Variants in ZNF335 observed in about 807,000 individuals in gnomAD.
The protein encoded by ZNF335 is NRC-interacting factor 1.
Under a neutral mutation model 145.6 loss-of-function variants are expected in ZNF335, and 84 were observed. The observed-to-expected ratio is 0.58, with a 90% CI of 0.48 to 0.69. The LOEUF is 0.69. Ranked by LOEUF, ZNF335 falls within the 30% of genes least tolerant of loss-of-function variation. ZNF335 has a pLI of 0.00. For synonymous variants in ZNF335, 761 were observed against 717.0 expected (o/e 1.06, Z -0.98); for missense variants, 1,865 against 1,809.7 (o/e 1.03, Z -0.55).
chr20:45,971,848 CG>C (rs1953541791), intron 1 of ZNF335: 2 of 985,310 alleles, frequency 2.0e-6, no homozygotes, highest in Admixed American at 6.1e-5. Context: ...CGCTCCCCCC[CG>C]GTTCCCCTGC....
chr20:45,954,314 T>C (rs2083687696), intron 17 of ZNF335, among the ~76,000 whole-genome samples: 1 of 152,124 alleles, frequency 6.6e-6, no homozygotes, highest in African/African-American at 2.4e-5. Context: ...CACACAATAG[T>C]ATCTGCCTCA....
chr20:45,963,756 A>T lies in ZNF335; in HGVS notation c.1337T>A (p.Leu446Gln), dbSNP rs1285227587. Reference protein sequence around the residue: ...RRRGRPSRRFLGKKYRKYYYK... With the variant: ...RRRGRPSRRFQGKKYRKYYYK... The stretch of plus-strand genomic sequence containing the variant: ...CACATACTTGCGGTATTTCTTGCCT[A>T]GGAAGCGCCTGGAAGGTCGACCTCG... Residue 446 changes from leucine (L) to glutamine (Q), a missense_variant, in exon 8 of 28, where the codon CTA becomes CAA. Leu to Gln is a moderately radical substitution (Grantham distance 113, BLOSUM62 -2). Transcript: ENST00000322927. The T allele has an allele frequency of 6.2e-7, 1 of 1,614,034 alleles. No homozygotes were observed. Among genetic ancestry groups the T allele is most frequent in the African/African-American group, 1.3e-5 (1 of 74,946 alleles).
intron 7 of ZNF335, among the ~76,000 whole-genome samples, chr20:45,965,069 T>TAATAATAATAATACA (rs1203499217): frequency 3.4e-5 from 5 of 147,846 alleles, no homozygotes; most frequent in African/African-American, 1.2e-4. Flanking sequence ...ATAATAATAA[T>TAATAATAATAATACA]ACAACAACTC....
At position 45,948,847 on chromosome 20, in the gene ZNF335, A is replaced by C; in HGVS notation, c.*106T>G. ...CCCTGGGAATGAGAGGATGCTGGCTATCCAGTATCTGGAGATCCTAAATGA... is the reference window on the plus strand; with the variant it reads ...CCCTGGGAATGAGAGGATGCTGGCTCTCCAGTATCTGGAGATCCTAAATGA... On this transcript the variant is annotated 3_prime_UTR_variant, in exon 28 of 28. Coordinates refer to ENST00000322927, the MANE Select transcript of ZNF335 (RefSeq NM_022095.4). The C allele has an allele frequency of 1.9e-6, 3 of 1,552,044 alleles. No individual in the cohort carries two copies. In the Admixed American group the frequency reaches 5.1e-5, roughly 26 times the overall value.
chr20:45,949,390 C>T lies in ZNF335; in HGVS notation c.3762G>A (p.Glu1254=), dbSNP rs775095229. The change falls in exon 26 of 28, where the codon GAG becomes GAA. Residue 1254 remains glutamate, a synonymous_variant. Coordinates refer to ENST00000322927, the MANE Select transcript of ZNF335 (RefSeq NM_022095.4). The part of the protein sequence containing the change: ...VPEGHHIQVQ[E]GQITHIQYEQ... The stretch of plus-strand genomic sequence containing the variant: ...CATACTGGATGTGTGTGATCTGGCC[C>T]TCCTGTACCTGCAGAGAGGAAGCCA... The T allele has an allele frequency of 9.9e-6, 16 of 1,614,022 alleles. No individual in the cohort carries two copies. Among genetic ancestry groups the T allele is most frequent in the Admixed American group, 5.0e-5 (3 of 60,004 alleles).
At position 45,957,926 on chromosome 20, in the gene ZNF335, T is replaced by C. The variant is rs1359258149; in HGVS notation, c.2256A>G (p.Ile752Met). The change falls in exon 16 of 28, where the codon ATA becomes ATG. Residue 752 changes from isoleucine (I) to methionine (M), a missense_variant and splice_region_variant. Ile to Met is a conservative substitution (Grantham distance 10). Coordinates refer to ENST00000322927, the MANE Select transcript of ZNF335 (RefSeq NM_022095.4). Reference sequence around the variant, plus strand: ...ACTGGAAAGTTGTCGCCTCTGGGGGTATCTATGGGGTGGAGATATGGCCAC... The same window carrying C: ...ACTGGAAAGTTGTCGCCTCTGGGGGCATCTATGGGGTGGAGATATGGCCAC... ...PPPSSPGPPEIPPEATTFQSS... is the reference protein window; with the variant it reads ...PPPSSPGPPEMPPEATTFQSS... 6.2e-7 allele frequency: 1 copy of C among 1,613,718 alleles called. No individual in the cohort carries two copies. Among genetic ancestry groups the C allele is most frequent in the Admixed American group, 1.7e-5 (1 of 59,994 alleles).
chr20:45,962,626 C>T lies in ZNF335; in HGVS notation c.1534-444G>A, dbSNP rs542801884. Reference sequence around the variant, plus strand: ...CGGAAGTACCCTCTCCCACAGCTGCCAACTTGCACATTGGCCAGGCCGAGC... The same window carrying T: ...CGGAAGTACCCTCTCCCACAGCTGCTAACTTGCACATTGGCCAGGCCGAGC... On this transcript the variant is annotated intron_variant, in intron 9 of 27. Transcript: ENST00000322927. Among the ~76,000 whole-genome samples the T allele has an allele frequency of 2.6e-5, 4 of 152,256 alleles. No homozygotes were observed. The South Asian group carries it at 8.3e-4, about 32-fold the overall frequency.
In ZNF335 at chr20:45,949,066, C is replaced by A; in HGVS notation, c.3916G>T (p.Ala1306Ser). 1 of 1,613,704 alleles carries A rather than the reference C, an allele frequency of 6.2e-7. No homozygotes were observed. Among genetic ancestry groups the A allele is most frequent in the South Asian group, 1.1e-5 (1 of 91,080 alleles). Residue 1306 changes from alanine (A) to serine (S), a missense_variant, in exon 28 of 28, where the codon GCC (alanine) becomes TCC (serine). Transcript: ENST00000322927. ...HSAVTAVADA[A>S]MAQAQGLFGT... is the part of the protein sequence containing the mutation. ...AACAGGCCCTGGGCTTGGGCCATGG[C>A]AGCATCAGCCACTGCTGCCAGGGGA...
Position 45,962,812 on chromosome 20 carries a change from TTTGTTTGTTTG to T in ZNF335, c.1534-641_1534-631del, listed in dbSNP as rs1311817869. On this transcript the variant is annotated intron_variant, in intron 9 of 27. Transcript: ENST00000322927. ...GAGAAAAAGGAACCGTTTTTTTTTT[TTTGTTTGTTTG>T]TTTTTTTGAGACAGAGTTTCGCTCT... is the stretch of plus-strand genomic sequence containing the variant. Among the ~76,000 whole-genome samples, 3 of 95,272 alleles carry T rather than the reference TTTGTTTGTTTG, an allele frequency of 3.1e-5. 1 individual carries two copies. Among genetic ancestry groups the T allele is most frequent in the African/African-American group, 9.8e-5 (2 of 20,486 alleles). The allele number at this position is 95,272 out of a possible 152,430, so 62.5% of individuals were successfully genotyped here. A position where few individuals can be genotyped will look rare whatever the true frequency, so the allele number is the denominator to read the frequency against.
Position 45,953,850 on chromosome 20 carries a change from G to A in ZNF335, c.2541C>T (p.His847=), listed in dbSNP as rs765035767. ...CTGCACCGCCCCCTGGCTCTGCCAC[G>A]TGGAGGGTGACCACCTGTGGAGTGG... ...EGATPQVVTL[H]VAEPGGGAAA... The change falls in exon 18 of 28, where the codon CAC becomes CAT. Residue 847 remains histidine (H), a synonymous_variant. Transcript: ENST00000322927. 6.2e-6 allele frequency: 10 copies of A among 1,613,900 alleles called. 1 individual carries two copies. Among genetic ancestry groups the A allele is most frequent in the South Asian group, 3.3e-5 (3 of 91,090 alleles).
Position 45,960,826 on chromosome 20 carries a change from G to C in ZNF335, c.1665+38C>G, listed in dbSNP as rs140671453. On this transcript the variant is annotated intron_variant, in intron 11 of 27. Coordinates refer to ENST00000322927, the MANE Select transcript of ZNF335 (RefSeq NM_022095.4). ...GTCCTCACCCCCATAAACAACCCCCGGGCAGGTTCCCTTCCCAGGCCAGCA... is the reference window on the plus strand; with the variant it reads ...GTCCTCACCCCCATAAACAACCCCCCGGCAGGTTCCCTTCCCAGGCCAGCA... 5.6e-6 allele frequency: 9 copies of C among 1,613,682 alleles called. No homozygotes were observed. In the South Asian group the frequency reaches 9.9e-5, roughly 18 times the overall value.
Position 45,952,707 on chromosome 20 carries a change from T to C in ZNF335, c.2705A>G (p.Glu902Gly). 1 of 1,613,530 alleles carries C rather than the reference T, an allele frequency of 6.2e-7. No homozygotes were observed. Reference sequence around the variant, plus strand: ...CTGGGCTGCCTCTCCTGCGGGCTCCTCGCTGTGGGCATGGAGAAGGTTCTA... The same window carrying C: ...CTGGGCTGCCTCTCCTGCGGGCTCCCCGCTGTGGGCATGGAGAAGGTTCTA... ...GTSAPGTPYS[E>G]EPAGEAAQAV... The change falls in exon 19 of 28, where the codon GAG (glutamate) becomes GGG (glycine). Residue 902 changes from glutamate to glycine, a missense_variant and splice_region_variant. Transcript: ENST00000322927.
At chr20:45,966,554 T>TC (rs2083957784) in intron 6 of ZNF335, among the ~76,000 whole-genome samples, 2 of 150,714 alleles carry the variant, frequency 1.3e-5, no homozygotes, top group African/African-American at 4.9e-5. Context: ...TTTCTTTCTT[T>TC]TTTTTTTTTT....
At chr20:45,970,840 C>T (rs1449480219) in intron 2 of ZNF335, among the ~76,000 whole-genome samples, 1 of 151,628 alleles carries the variant, frequency 6.6e-6, no homozygotes, top group African/African-American at 2.4e-5. Flanking sequence ...ATCCTCCCAC[C>T]TCAGCCTTCC....
rs1436434042 is a variant in ZNF335, at chr20:45,971,316, G to A, written c.95C>T (p.Ser32Leu). The change falls in exon 2 of 28, where the codon TCA (serine) becomes TTA (leucine). Residue 32 changes from serine (S) to leucine (L), a missense_variant. Transcript: ENST00000322927. The stretch of plus-strand genomic sequence containing the variant: ...GCTGCTGTCGGCGGACACGGCTTCT[G>A]AGGTGCCCACACCCAGGCCGCTCTC... Reference protein sequence around the residue: ...PSESGLGVGTSEAVSADSSDA... With the variant: ...PSESGLGVGTLEAVSADSSDA... 6.3e-7 allele frequency: 1 copy of A among 1,595,632 alleles called. No homozygotes were observed. The highest frequency in any genetic ancestry group is 1.1e-5 in the South Asian group (1 of 90,428).
In ZNF335 at chr20:45,950,576, G is replaced by C. The variant is rs1362893874; in HGVS notation, c.3209C>G (p.Ser1070Ter). The part of the protein sequence containing the change: ...PEVRAHMAQH[S>*]SLRPHQCSQC... ...GCTACACTGGTGGGGCCGTAGGCTT[G>C]AGTGCTGTGCCATGTGCGCCTGCAG... Residue 1070 changes from serine to a stop codon, truncating the protein, a stop_gained, in exon 21 of 28, where the codon TCA becomes TGA. Transcript: ENST00000322927. LOFTEE classifies it high-confidence loss of function. 21 of 1,613,938 alleles carry C rather than the reference G, an allele frequency of 1.3e-5. No individual in the cohort carries two copies. Among genetic ancestry groups the C allele is most frequent in the Non-Finnish European group, 1.6e-5 (19 of 1,180,028 alleles).
intron 10 of ZNF335, 36 bp from the exon 11 acceptor site, chr20:45,960,918 TC>T (rs1482625267): frequency 1.9e-6 from 3 of 1,611,818 alleles, no homozygotes; most frequent in South Asian, 2.2e-5. Flanking sequence ...GACCAGAGCT[TC>T]CCCAAGCCCA....
chr20:45,971,636 C>G, intron 1 of ZNF335, 176 bp from the exon 2 acceptor site: 1 of 985,462 alleles, frequency 1.0e-6, no homozygotes, highest in Non-Finnish European at 1.2e-6. Flanking sequence ...GACGGAGAAG[C>G]TGTGCTTCCC....
Position 45,952,660 on chromosome 20 carries a change from G to A in ZNF335, c.2752C>T (p.Leu918=). ...ATGTAGTGGGTGCCAGCTTCTTTTA[G>A]GGTGTCACTCACAACCACAGCCTGG... The part of the protein sequence containing the change: ...AAQAVVVSDT[L]KEAGTHYIMA... The change falls in exon 19 of 28, where the codon CTA becomes TTA. Residue 918 remains leucine, a synonymous_variant. Transcript: ENST00000322927. 2 of 1,613,850 alleles carry A rather than the reference G, an allele frequency of 1.2e-6. No homozygotes were observed. The highest frequency in any genetic ancestry group is 1.7e-6 in the Non-Finnish European group (2 of 1,180,018).
Sources: allele counts gnomAD v4.1 joint callset (sites outside exome capture counted in the v4.1 genomes callset), GRCh38; gene constraint gnomAD v4.1.1; transcripts MANE v1.5; gene names NCBI Gene and HGNC (gene_info 2026-07-23, HGNC 2026-07-21).